The following PDE3A variants were observed in gnomAD, a reference collection of about 807,000 sequenced individuals.
PDE3A encodes the protein cGMP-inhibited 3',5'-cyclic phosphodiesterase 3A.
PDE3A carries 43 observed loss-of-function variants against 98.3 expected under a neutral mutation model. The ratio of observed to expected loss-of-function variants is 0.44; its 90% CI spans 0.34 to 0.56. The LOEUF (loss-of-function observed/expected upper bound fraction) is 0.56, where lower values mean the gene tolerates loss of function less well. Among genes scored for constraint, PDE3A ranks in the 20% least tolerant of loss-of-function variants. The probability of loss-of-function intolerance (pLI) is 0.01; values close to 1 mark genes in which losing one functional copy is unlikely to be tolerated. For synonymous variants in PDE3A, 663 were observed against 567.9 expected, an observed-to-expected ratio of 1.17 and a Z score of -2.38; for missense variants, 1,427 against 1,440.7, an observed-to-expected ratio of 0.99 and a Z score of 0.15.
intron 1 of PDE3A, among the ~76,000 whole-genome samples, chr12:20,411,729 G>T (rs1944336285): frequency 1.3e-5 from 2 of 151,990 alleles, no homozygotes; most frequent in African/African-American, 4.8e-5. Context: ...GACCTCCATG[G>T]GTGGTTAGTG....
At chr12:20,535,921 A>T (rs2121202900) in intron 1 of PDE3A, among the ~76,000 whole-genome samples, 1 of 152,268 alleles carries the variant, frequency 6.6e-6, no homozygotes. Flanking sequence ...AGGAAAATGA[A>T]AGCTACTAGG....
Position 20,680,205 on chromosome 12 carries a change from GGAA to G in PDE3A, c.3372_3374del (p.Glu1125del), listed in dbSNP as rs747759664. 24 of 1,613,100 alleles carry G rather than the reference GGAA, an allele frequency of 1.5e-5. No individual in the cohort carries two copies. Among genetic ancestry groups the G allele is most frequent in the African/African-American group, 4.0e-5 (3 of 74,858 alleles). On this transcript the variant is annotated inframe_deletion, in exon 16 of 16. Transcript: ENST00000359062. ...CTTCAGAACAGATCCAGGCTATCAA[GGAA>G]GAAGAAGAAGAGAAAGGGAAACCAA...
At chr12:20,476,730 C>A (rs1483292008) in intron 1 of PDE3A, among the ~76,000 whole-genome samples, 1 of 152,140 alleles carries the variant, frequency 6.6e-6, no homozygotes. Context: ...GGATTCAAAC[C>A]AACGCCTGGG....
intron 2 of PDE3A, among the ~76,000 whole-genome samples, chr12:20,585,074 A>G (rs545302197): frequency 6.6e-6 from 1 of 152,290 alleles, no homozygotes; most frequent in African/African-American, 2.4e-5. Context: ...TCTAGTTGCT[A>G]ATTTGACATT....
chr12:20,571,427 CT>C (rs886898436), intron 2 of PDE3A, among the ~76,000 whole-genome samples: 3 of 152,144 alleles, frequency 2.0e-5, no homozygotes, highest in African/African-American at 4.8e-5. Flanking sequence ...GCTGACCCCC[CT>C]GGAGTTGTGC....
rs540469234 is a variant in PDE3A, at chr12:20,633,887, A to G, written c.1846+109A>G. The stretch of plus-strand genomic sequence containing the variant: ...CTGATATTTTGTGGGGCGCTGGGAG[A>G]CGGGGTCTCATGATGTTGGTCAGGT... On this transcript the variant is annotated intron_variant, in intron 7 of 15. Coordinates refer to ENST00000359062, the MANE Select transcript of PDE3A (RefSeq NM_000921.5). 164 of 633,152 alleles carry G rather than the reference A, an allele frequency of 2.6e-4. 1 individual carries two copies. Among genetic ancestry groups the G allele is most frequent in the African/African-American group, 2.6e-3 (139 of 53,930 alleles). 39.2% of individuals were successfully genotyped at this position (633,152 alleles called of 1,614,324 possible).
At chr12:20,663,025 C>A (rs1470025244) in intron 15 of PDE3A, among the ~76,000 whole-genome samples, 1 of 152,144 alleles carries the variant, frequency 6.6e-6, no homozygotes, top group Admixed American at 6.5e-5. Context: ...TGCCGTGAGT[C>A]CCAGCTGTTT....
chr12:20,476,070 C>A (rs946783580), intron 1 of PDE3A, among the ~76,000 whole-genome samples: 2 of 152,184 alleles, frequency 1.3e-5, no homozygotes, highest in Non-Finnish European at 2.9e-5. Context: ...TTTTCTCTAT[C>A]TAAATTTCTT....
At chr12:20,405,294 C>T (rs141254559) in intron 1 of PDE3A, among the ~76,000 whole-genome samples, 10 of 152,258 alleles carry the variant, frequency 6.6e-5, no homozygotes, top group African/African-American at 1.9e-4. Context: ...CTCCTTACTC[C>T]AGTCGCTACC....
chr12:20,559,197 C>A (rs1942448729), intron 2 of PDE3A, among the ~76,000 whole-genome samples: 1 of 151,946 alleles, frequency 6.6e-6, no homozygotes, highest in Non-Finnish European at 1.5e-5. Flanking sequence ...CCATTTGTTA[C>A]AATTGCCTAC....
chr12:20,580,343 A>T (rs1565437186), intron 2 of PDE3A, among the ~76,000 whole-genome samples: 1 of 152,206 alleles, frequency 6.6e-6, no homozygotes, highest in African/African-American at 2.4e-5. Context: ...CACAAAAATT[A>T]GGAAGACATT....
intron 1 of PDE3A, among the ~76,000 whole-genome samples, chr12:20,449,235 C>T (rs946278834): frequency 5.3e-5 from 8 of 152,148 alleles, no homozygotes; most frequent in African/African-American, 1.7e-4. Context: ...CTTTTCTCCT[C>T]GTGATTCTGC....
At chr12:20,489,724 T>C (rs1166076962) in intron 1 of PDE3A, among the ~76,000 whole-genome samples, 2 of 152,178 alleles carry the variant, frequency 1.3e-5, no homozygotes, top group Non-Finnish European at 2.9e-5. Flanking sequence ...CAAAATTAAG[T>C]CAGAAAATAA....
intron 1 of PDE3A, among the ~76,000 whole-genome samples, chr12:20,438,527 G>A (rs1944815623): frequency 6.6e-6 from 1 of 152,160 alleles, no homozygotes; most frequent in Admixed American, 6.5e-5. Flanking sequence ...AAATATAGTA[G>A]AGACAAATAT....
At chr12:20,429,168 G>A (rs1944653624) in intron 1 of PDE3A, among the ~76,000 whole-genome samples, 1 of 152,218 alleles carries the variant, frequency 6.6e-6, no homozygotes, top group Non-Finnish European at 1.5e-5. Flanking sequence ...TGGAAACGAT[G>A]TGAAGATGAA....
chr12:20,536,480 A>C (rs1941750995), intron 1 of PDE3A, among the ~76,000 whole-genome samples: 2 of 152,060 alleles, frequency 1.3e-5, no homozygotes, highest in African/African-American at 4.8e-5. Context: ...AATCCAGAAC[A>C]TTTTCATCAT....
intron 1 of PDE3A, among the ~76,000 whole-genome samples, chr12:20,501,534 G>C (rs1345468129): frequency 6.6e-6 from 1 of 152,094 alleles, no homozygotes; most frequent in Non-Finnish European, 1.5e-5. Context: ...TATTTAAAAG[G>C]AGTAAAACTT....
intron 2 of PDE3A, among the ~76,000 whole-genome samples, chr12:20,604,067 G>C (rs1943656313): frequency 6.6e-6 from 1 of 152,078 alleles, no homozygotes; most frequent in Admixed American, 6.5e-5. Context: ...TATTCGGGAG[G>C]CTGAGGCAGG....
rs1351571516 is a variant in PDE3A at position 20,688,557 on chromosome 12, GTATAA to G, written c.*8292_*8296del. On this transcript the variant is annotated 3_prime_UTR_variant, in exon 16 of 16. Coordinates refer to ENST00000359062, the MANE Select transcript of PDE3A (RefSeq NM_000921.5). Reference sequence around the variant, plus strand: ...TGTCGATGTTATGAGTGAAGATAATGTATAATATAAAAATAATTCTGCAGTATTAT... The same window carrying G: ...TGTCGATGTTATGAGTGAAGATAATGTATAAAAATAATTCTGCAGTATTAT... Among the ~76,000 whole-genome samples the G allele has an allele frequency of 1.3e-5, 2 of 151,808 alleles. No homozygotes were observed. The highest frequency in any genetic ancestry group is 1.3e-4 in the Admixed American group (2 of 15,190).
Sources: allele counts gnomAD v4.1 joint callset (sites outside exome capture counted in the v4.1 genomes callset), GRCh38; gene constraint gnomAD v4.1.1; transcripts MANE v1.5; gene names NCBI Gene and HGNC (gene_info 2026-07-23, HGNC 2026-07-21).